Variants in MED23 observed in about 807,000 individuals in gnomAD.
MED23 encodes the protein mediator complex subunit 23.
MED23 carries 105 observed loss-of-function variants against 163.9 expected under a neutral mutation model. The ratio of observed to expected loss-of-function variants is 0.64; its 90% CI spans 0.55 to 0.75. The LOEUF is 0.75. MED23 is among the 30% of genes least tolerant of loss of function. MED23 has a pLI of 0.00. For missense variants in MED23, 1,054 were observed against 1,649.0 expected, an observed-to-expected ratio of 0.64 and a Z score of 6.25; for synonymous variants, 561 against 565.6, an observed-to-expected ratio of 0.99 and a Z score of 0.12.
At chr6:131,596,387 G>A (rs1775050822) in intron 21 of MED23, 131 bp downstream of exon 21, 1 of 1,103,432 alleles carries the variant, frequency 9.1e-7, no homozygotes, top group Non-Finnish European at 1.4e-6. Flanking sequence ...AAGAAGTTCA[G>A]AGAGCTAACT....
At chr6:131,622,889 T>C (rs908602642) in intron 5 of MED23, among the ~76,000 whole-genome samples, 1 of 152,214 alleles carries the variant, frequency 6.6e-6, no homozygotes, top group Admixed American at 6.5e-5. Context: ...AGCCGTTTTA[T>C]GAGACAAAAC....
rs1206966770 is a variant in MED23 at position 131,599,989 on chromosome 6, GGAA to G, written c.2220+46_2220+48del. On this transcript the variant is annotated intron_variant, in intron 18 of 28. Coordinates refer to ENST00000368068, the MANE Select transcript of MED23 (RefSeq NM_004830.4). ...TCACTCTAGAACACCATTGTGAATG[GGAA>G]GAAGGATTTCATGTGCATTCAATAA... The G allele has an allele frequency of 1.9e-6, 3 of 1,604,620 alleles. No individual in the cohort carries two copies. The East Asian group carries it at 6.7e-5, about 36-fold the overall frequency.
intron 22 of MED23, among the ~76,000 whole-genome samples, 182 bp downstream of exon 22, chr6:131,595,765 T>TAAAC: frequency 6.6e-6 from 1 of 152,296 alleles, no homozygotes; most frequent in East Asian, 1.9e-4. Context: ...CATACTTTTG[T>TAAAC]TTATATTTTT....
At chr6:131,608,988 A>G (rs117802096) in intron 11 of MED23, among the ~76,000 whole-genome samples, 4,385 of 152,004 alleles carry the variant, frequency 0.029, 107 homozygotes, top group Middle Eastern at 0.1. Context: ...GACTCCCGCT[A>G]CTCTCTGTAT....
chr6:131,592,395 G>T lies in MED23; in HGVS notation c.3464C>A (p.Ala1155Asp), dbSNP rs537297167. The T allele has an allele frequency of 6.2e-7, 1 of 1,612,088 alleles. No individual in the cohort carries two copies. The highest frequency in any genetic ancestry group is 1.1e-5 in the South Asian group (1 of 91,046). ...TCACAATTATTAACTCACTGGTAGGGCAGTGATGATCAAACCAATTGCATT... is the reference window on the plus strand; with the variant it reads ...TCACAATTATTAACTCACTGGTAGGTCAGTGATGATCAAACCAATTGCATT... ...WMNAIGLIIT[A>D]LPEPYWIVLH... Residue 1155 changes from alanine (A) to aspartate (D), a missense_variant, in exon 25 of 29, where the codon GCC becomes GAC. Transcript: ENST00000368068.
In MED23 at chr6:131,587,762, C is replaced by T. The variant is rs201383367; in HGVS notation, c.4024G>A (p.Ala1342Thr). 1.2e-6 allele frequency: 2 copies of T among 1,613,998 alleles called. No individual in the cohort carries two copies. Among genetic ancestry groups the T allele is most frequent in the South Asian group, 2.2e-5 (2 of 91,078 alleles). The stretch of plus-strand genomic sequence containing the variant: ...CTGTTCATGGCTTGTGGAGGCACTG[C>T]AGCTGGCTCCATCTTGCTAATGTGT... ...ITHISKMEPA[A>T]VPPQAMNSGS... Residue 1342 changes from alanine (A) to threonine (T), a missense_variant, in exon 29 of 29, where the codon GCA becomes ACA. Ala to Thr is a moderately conservative substitution (Grantham distance 58, BLOSUM62 0). Transcript: ENST00000368068.
chr6:131,591,511 A>C lies in MED23; in HGVS notation c.3488T>G (p.Val1163Gly). 1 of 1,613,276 alleles carries C rather than the reference A, an allele frequency of 6.2e-7. No individual in the cohort carries two copies. Among genetic ancestry groups the C allele is most frequent in the Non-Finnish European group, 8.5e-7 (1 of 1,179,516 alleles). Residue 1163 changes from valine to glycine, a missense_variant, in exon 26 of 29, where the codon GTT becomes GGT. Physicochemically the swap from Val to Gly is moderately radical, Grantham distance 109. Transcript: ENST00000368068. Reference sequence around the variant, plus strand: ...GACACTCACAATTCGATCATGAAGAACAATCCAATATGGCTCCTTTAAAAT... The same window carrying C: ...GACACTCACAATTCGATCATGAAGACCAATCCAATATGGCTCCTTTAAAAT... ...ITALPEPYWI[V>G]LHDRIVSVIS...
intron 3 of MED23, 140 bp downstream of exon 3, chr6:131,627,256 T>A: frequency 1.4e-6 from 1 of 697,734 alleles, no homozygotes. Context: ...GAAGCCAGAA[T>A]AAAAAATGAT....
At position 131,581,360 on chromosome 6, in the gene MED23, G is replaced by C. The variant is rs750937576; in HGVS notation, c.4095+6349C>G. 2 of 1,613,300 alleles carry C rather than the reference G, an allele frequency of 1.2e-6. No individual in the cohort carries two copies. The highest frequency in any genetic ancestry group is 1.7e-4 in the Middle Eastern group (1 of 6,058). ...ATGGACAACCTGTATCTTTCCTCCT[G>C]AAGGAACTAAAAGGAAAGGTAAAAG... On this transcript the variant is annotated intron_variant, in intron 30 of 30. Transcript: ENST00000354577.
intron 15 of MED23, among the ~76,000 whole-genome samples, chr6:131,603,466 A>C (rs1470606638): frequency 6.6e-6 from 1 of 152,188 alleles, no homozygotes; most frequent in Non-Finnish European, 1.5e-5. Context: ...AAATGAGACA[A>C]GATATGAAAA....
At position 131,579,345 on chromosome 6, in the gene MED23, A is replaced by G. The variant is rs575485735; in HGVS notation, c.4096-5050T>C. ...CACAAAGGAAGTAACCAAGGCCATA[A>G]GAAGAGAGAAAATTTAGAAATATAG... is the stretch of plus-strand genomic sequence containing the variant. On this transcript the variant is annotated intron_variant, in intron 30 of 30. Transcript: ENST00000354577. 2.3e-5 allele frequency: 36 copies of G among 1,578,570 alleles called. No individual in the cohort carries two copies. The African/African-American group carries it at 4.2e-4, about 18-fold the overall frequency.
At chr6:131,590,974 A>C (rs1276576362) in intron 26 of MED23, among the ~76,000 whole-genome samples, 1 of 147,114 alleles carries the variant, frequency 6.8e-6, no homozygotes, top group East Asian at 2.0e-4. Flanking sequence ...TTAGAACAAA[A>C]TGAAATACAA....
In MED23 at chr6:131,598,774, T is replaced by A; in HGVS notation, c.2221-13A>T. 2 of 1,610,134 alleles carry A rather than the reference T, an allele frequency of 1.2e-6. No homozygotes were observed. The highest frequency in any genetic ancestry group is 1.7e-6 in the Non-Finnish European group (2 of 1,176,376). On this transcript the variant is annotated splice_polypyrimidine_tract_variant and intron_variant, in intron 18 of 28. Transcript: ENST00000368068. The surrounding 1 kb of genome is among the most constrained non-coding windows in gnomAD (Gnocchi z 4.7). ...GTTTGAAGAATGCCTAAAAAGAGGATTAGAAGTTTATTTCATTGGTTATAG... is the reference window on the plus strand; with the variant it reads ...GTTTGAAGAATGCCTAAAAAGAGGAATAGAAGTTTATTTCATTGGTTATAG...
rs1289818778 is a variant in MED23, at chr6:131,592,409, A to C, written c.3450T>G (p.Gly1150=). 3 of 1,613,930 alleles carry C rather than the reference A, an allele frequency of 1.9e-6. No homozygotes were observed. In the African/African-American group the frequency reaches 4.0e-5, roughly 22 times the overall value. ...TCACTGGTAGGGCAGTGATGATCAAACCAATTGCATTCATCCATGCTGTAA... is the reference window on the plus strand; with the variant it reads ...TCACTGGTAGGGCAGTGATGATCAACCCAATTGCATTCATCCATGCTGTAA... ...ENITAWMNAI[G]LIITALPEPY... The change falls in exon 25 of 29, where the codon GGT becomes GGG. Residue 1150 remains glycine (G), a synonymous_variant. Coordinates refer to ENST00000368068, the MANE Select transcript of MED23 (RefSeq NM_004830.4).
At chr6:131,612,909 T>C (rs1585538514) in intron 10 of MED23, among the ~76,000 whole-genome samples, 2 of 152,138 alleles carry the variant, frequency 1.3e-5, no homozygotes, top group South Asian at 4.1e-4. Context: ...TGTACAGTTC[T>C]CATAATGCTT....
intron 11 of MED23, 114 bp from the exon 12 acceptor site, chr6:131,608,185 G>C: frequency 2.6e-6 from 3 of 1,158,354 alleles, no homozygotes; most frequent in Non-Finnish European, 3.8e-6. Context: ...TTCTTGCTCT[G>C]AGAAAGTCAG....
intron 3 of MED23, among the ~76,000 whole-genome samples, chr6:131,625,493 T>C (rs1467498623): frequency 6.6e-6 from 1 of 152,198 alleles, no homozygotes; most frequent in Non-Finnish European, 1.5e-5. Context: ...AAATACGATG[T>C]CAAAATGTTG....
Position 131,619,815 on chromosome 6 carries a change from T to C in MED23, c.667+12A>G. 1 of 1,590,110 alleles carries C rather than the reference T, an allele frequency of 6.3e-7. No individual in the cohort carries two copies. The highest frequency in any genetic ancestry group is 8.6e-7 in the Non-Finnish European group (1 of 1,158,920). ...CAGGTACTATTTGGCATATTTAAAATTATAATCCTACCACAAATGGAGTTT... is the reference window on the plus strand; with the variant it reads ...CAGGTACTATTTGGCATATTTAAAACTATAATCCTACCACAAATGGAGTTT... On this transcript the variant is annotated intron_variant, in intron 8 of 28. Transcript: ENST00000368068.
rs41285336 is a variant in MED23 at position 131,581,189 on chromosome 6, G to A, written c.4095+6520C>T. The stretch of plus-strand genomic sequence containing the variant: ...ATGTATGTAGTGACACTGCAAACCT[G>A]ATGTTCACACAAAATTTTTTCCCCA... On this transcript the variant is annotated intron_variant, in intron 30 of 30. Coordinates refer to the MED23 transcript ENST00000354577. 111,898 of 1,611,812 alleles carry A rather than the reference G, an allele frequency of 0.069. 4,524 individuals carry two copies. The highest frequency in any genetic ancestry group is 0.082 in the Non-Finnish European group (96,482 of 1,178,190).
Sources: gnomAD v4.1 joint callset for allele counts (sites outside exome capture counted in the v4.1 genomes callset) on GRCh38, gnomAD v4.1.1 for gene constraint, Gnocchi (gnomAD v3.1) non-coding constraint, MANE v1.5 for transcripts, NCBI Gene and HGNC (gene_info 2026-07-23, HGNC 2026-07-21) for gene names.